Variants in CNTNAP2 observed in about 807,000 individuals in gnomAD.
CNTNAP2 encodes the protein contactin-associated protein-like 2.
CNTNAP2 carries 98 observed loss-of-function variants against 155.2 expected under a neutral mutation model. That is an observed-to-expected ratio of 0.63 (90% CI 0.54 to 0.75). The LOEUF (loss-of-function observed/expected upper bound fraction) is 0.75, where lower values mean the gene tolerates loss of function less well. CNTNAP2 is among the 30% of genes least tolerant of loss of function. CNTNAP2 has a pLI of 0.00. For synonymous variants in CNTNAP2, 651 were observed against 631.2 expected (o/e 1.03, Z -0.47); for missense variants, 1,727 against 1,688.1 (o/e 1.02, Z -0.40).
intron 10 of CNTNAP2, among the ~76,000 whole-genome samples, chr7:147,444,601 T>C (rs1797700807): frequency 6.6e-6 from 1 of 151,996 alleles, no homozygotes; most frequent in Admixed American, 6.6e-5. Flanking sequence ...ATTTTATTTT[T>C]TTAGGTTGTT....
chr7:146,245,982 C>T (rs908355393), intron 1 of CNTNAP2, among the ~76,000 whole-genome samples: 14 of 145,406 alleles, frequency 9.6e-5, no homozygotes, highest in South Asian at 4.3e-4. Context: ...AGGCATAGAT[C>T]CTGAACTAAC....
chr7:147,010,115 T>C (rs1584781218), intron 3 of CNTNAP2, among the ~76,000 whole-genome samples: 1 of 151,566 alleles, frequency 6.6e-6, no homozygotes, highest in African/African-American at 2.4e-5. Flanking sequence ...GTTGAAGTGA[T>C]TCTTCCACCT....
intron 1 of CNTNAP2, among the ~76,000 whole-genome samples, chr7:146,767,222 A>G (rs1038147810): frequency 6.6e-6 from 1 of 152,182 alleles, no homozygotes; most frequent in Non-Finnish European, 1.5e-5. Flanking sequence ...CTAGCACTCT[A>G]GTATTTTCTG....
At chr7:146,677,719 T>A (rs1464908022) in intron 1 of CNTNAP2, among the ~76,000 whole-genome samples, 4 of 151,980 alleles carry the variant, frequency 2.6e-5, no homozygotes, top group African/African-American at 4.8e-5. Flanking sequence ...AAGAGGCAGT[T>A]CCTGAATTGT....
intron 13 of CNTNAP2, chr7:147,672,811 AT>A (rs1009089056): frequency 1.9e-4 from 29 of 150,248 alleles, no homozygotes; most frequent in East Asian, 5.9e-4. Context: ...AGTTGCACTG[AT>A]TTTTTTTTTA....
chr7:146,610,067 T>A (rs898929311), intron 1 of CNTNAP2, among the ~76,000 whole-genome samples: 1 of 152,180 alleles, frequency 6.6e-6, no homozygotes, highest in Non-Finnish European at 1.5e-5. Flanking sequence ...CCATTGTTTT[T>A]AACCAATTAA....
At chr7:146,986,109 A>G (rs188423341) in intron 3 of CNTNAP2, among the ~76,000 whole-genome samples, 302 of 152,262 alleles carry the variant, frequency 2.0e-3, no homozygotes, top group Non-Finnish European at 3.7e-3. Flanking sequence ...TAACCCAAGT[A>G]GTATACACTG....
At chr7:146,366,256 T>A (rs952239132) in intron 1 of CNTNAP2, among the ~76,000 whole-genome samples, 1 of 114,460 alleles carries the variant, frequency 8.7e-6, no homozygotes, top group South Asian at 2.3e-4. Flanking sequence ...TTTCTTAAAA[T>A]AATTTTTTTT....
chr7:146,599,668 T>C (rs1798917211), intron 1 of CNTNAP2, among the ~76,000 whole-genome samples: 1 of 151,838 alleles, frequency 6.6e-6, no homozygotes, highest in African/African-American at 2.4e-5. Context: ...CATCAGCTTT[T>C]TGGTTGCTTG....
chr7:146,352,817 C>G (rs975432413), intron 1 of CNTNAP2, among the ~76,000 whole-genome samples: 123 of 125,628 alleles, frequency 9.8e-4, no homozygotes, highest in Non-Finnish European at 1.5e-3. Flanking sequence ...TTCAGTGGTG[C>G]GATCTCGGCT....
At chr7:147,308,264 T>C (rs1228449133) in intron 9 of CNTNAP2, among the ~76,000 whole-genome samples, 1 of 152,016 alleles carries the variant, frequency 6.6e-6, no homozygotes. Flanking sequence ...AAAGGTGAGG[T>C]TGGATTGTGA....
rs35756000 is a variant in CNTNAP2, at chr7:147,973,160, T to TAAAAAAAAAAAAAAAAA, written c.2256-4697_2256-4681dup. 1.1e-3 allele frequency among the ~76,000 whole-genome samples: 134 copies of TAAAAAAAAAAAAAAAAA among 120,804 alleles called. 1 individual carries two copies. The highest frequency in any genetic ancestry group is 4.2e-3 in the African/African-American group (121 of 28,924). 79.3% of individuals were successfully genotyped at this position (120,804 alleles called of 152,430 possible). A position where few individuals can be genotyped will look rare whatever the true frequency, so the allele number is the denominator to read the frequency against. ...CAGAGCAAGACCCTGTCTCTAAAAT[T>TAAAAAAAAAAAAAAAAA]AAAAAAAAAAAAAAAAAAAAAGTAG... On this transcript the variant is annotated intron_variant, in intron 14 of 23. Coordinates refer to ENST00000361727, the MANE Select transcript of CNTNAP2 (RefSeq NM_014141.6).
chr7:146,947,486 A>G (rs925673968), intron 3 of CNTNAP2, among the ~76,000 whole-genome samples: 2 of 142,686 alleles, frequency 1.4e-5, no homozygotes, highest in African/African-American at 5.2e-5. Context: ...TATACTATAT[A>G]TATACATATA....
intron 2 of CNTNAP2, among the ~76,000 whole-genome samples, chr7:146,819,904 C>T (rs1463210110): frequency 6.6e-6 from 1 of 152,150 alleles, no homozygotes; most frequent in Non-Finnish European, 1.5e-5. Context: ...CATATATCCA[C>T]TTCTTGATAC....
intron 1 of CNTNAP2, among the ~76,000 whole-genome samples, chr7:146,410,221 C>T (rs1795846584): frequency 2.0e-5 from 3 of 152,272 alleles, no homozygotes; most frequent in Non-Finnish European, 4.4e-5. Context: ...TAAATTCTTT[C>T]AACCTTTTAT....
intron 20 of CNTNAP2, among the ~76,000 whole-genome samples, chr7:148,264,215 T>A (rs1408790119): frequency 6.6e-6 from 1 of 152,340 alleles, no homozygotes; most frequent in Admixed American, 6.5e-5. Flanking sequence ...GTATATTTAT[T>A]GAGACAGAAG....
chr7:146,572,006 A>G (rs1284270163), intron 1 of CNTNAP2, among the ~76,000 whole-genome samples: 1 of 152,178 alleles, frequency 6.6e-6, no homozygotes, highest in Non-Finnish European at 1.5e-5. Context: ...GGTGTGAGCC[A>G]CCGCACCTGG....
chr7:148,318,362 A>G (rs1352140745), intron 21 of CNTNAP2, among the ~76,000 whole-genome samples: 1 of 152,186 alleles, frequency 6.6e-6, no homozygotes, highest in East Asian at 1.9e-4. Flanking sequence ...TGTGCATATG[A>G]TGGGTGTTAA....
intron 1 of CNTNAP2, among the ~76,000 whole-genome samples, chr7:146,150,860 C>T (rs752613609): frequency 1.2e-4 from 18 of 152,036 alleles, no homozygotes; most frequent in Non-Finnish European, 2.5e-4. Flanking sequence ...AAGATTTACT[C>T]TCTTATTAGT....
Sources: gnomAD v4.1 joint callset for allele counts (sites outside exome capture counted in the v4.1 genomes callset) on GRCh38, gnomAD v4.1.1 for gene constraint, MANE v1.5 for transcripts, NCBI Gene and HGNC (gene_info 2026-07-23, HGNC 2026-07-21) for gene names.